The following PTPRT variants were observed in gnomAD, a reference collection of about 807,000 sequenced individuals.
The protein encoded by PTPRT is protein tyrosine phosphatase receptor type T.
In PTPRT, 56 loss-of-function variants were observed where a neutral mutation model predicts 176.8. The ratio of observed to expected loss-of-function variants is 0.32; its 90% CI spans 0.26 to 0.40. PTPRT has a LOEUF of 0.40. Ranked by LOEUF, PTPRT falls within the 10% of genes least tolerant of loss-of-function variation. PTPRT has a pLI of 1.00. For synonymous variants in PTPRT, 783 were observed against 739.0 expected, an observed-to-expected ratio of 1.06 and a Z score of -0.96; for missense variants, 1,540 against 1,908.2, an observed-to-expected ratio of 0.81 and a Z score of 3.60.
intron 2 of PTPRT, among the ~76,000 whole-genome samples, chr20:42,871,136 A>G (rs960222229): frequency 6.6e-6 from 1 of 151,586 alleles, no homozygotes; most frequent in Non-Finnish European, 1.5e-5. Flanking sequence ...TTTTTTGTAG[A>G]GATGGGGTTC....
At chr20:42,659,297 ATCTT>A (rs574155248) in intron 7 of PTPRT, among the ~76,000 whole-genome samples, 52 of 152,228 alleles carry the variant, frequency 3.4e-4, no homozygotes, top group Non-Finnish European at 5.9e-4. Context: ...CCTAGGTAAT[ATCTT>A]TCATCTATCT....
At chr20:42,703,333 TA>T (rs896182445) in intron 6 of PTPRT, among the ~76,000 whole-genome samples, 48 of 150,506 alleles carry the variant, frequency 3.2e-4, no homozygotes, top group African/African-American at 1.0e-3. Flanking sequence ...ACTATTTCCA[TA>T]AAAAAAATTC....
chr20:43,033,278 G>T (rs759815477), intron 1 of PTPRT, among the ~76,000 whole-genome samples: 35 of 152,108 alleles, frequency 2.3e-4, no homozygotes, highest in Non-Finnish European at 4.3e-4. Context: ...TCTCCTGATG[G>T]TCTCAAGGTG....
intron 6 of PTPRT, among the ~76,000 whole-genome samples, chr20:42,726,267 T>C (rs1600667209): frequency 1.3e-5 from 2 of 151,988 alleles, no homozygotes; most frequent in South Asian, 2.1e-4. Context: ...TTAGTAGAGA[T>C]GGGGTTTCAC....
chr20:42,819,652 G>C (rs914170526), intron 2 of PTPRT, among the ~76,000 whole-genome samples: 2 of 151,948 alleles, frequency 1.3e-5, no homozygotes, highest in African/African-American at 4.8e-5. Context: ...GTATTCAGGA[G>C]ACCCAACTTA....
At chr20:42,121,497 A>G (rs2146335695) in intron 19 of PTPRT, among the ~76,000 whole-genome samples, 1 of 152,256 alleles carries the variant, frequency 6.6e-6, no homozygotes, top group Non-Finnish European at 1.5e-5. Context: ...TAGGCAGGCA[A>G]CACAGCATGG....
chr20:42,815,663 T>G (rs569802586), intron 2 of PTPRT, among the ~76,000 whole-genome samples: 2 of 152,312 alleles, frequency 1.3e-5, no homozygotes, highest in East Asian at 3.9e-4. Flanking sequence ...ATATTTGTCT[T>G]CTAGGGCCTC....
At chr20:42,182,041 C>T (rs1439887216) in intron 16 of PTPRT, among the ~76,000 whole-genome samples, 1 of 152,036 alleles carries the variant, frequency 6.6e-6, no homozygotes, top group Non-Finnish European at 1.5e-5. Context: ...AAAGAGCAAA[C>T]AGAATTGTGA....
chr20:42,768,370 G>A (rs2077015128), intron 5 of PTPRT, among the ~76,000 whole-genome samples: 1 of 152,102 alleles, frequency 6.6e-6, no homozygotes, highest in Non-Finnish European at 1.5e-5. Context: ...ATGTGAAACA[G>A]GCCTGTGAAA....
chr20:43,088,331 G>GGGGT (rs1418616738), intron 1 of PTPRT, among the ~76,000 whole-genome samples: 2 of 113,558 alleles, frequency 1.8e-5, no homozygotes, highest in Admixed American at 1.0e-4. Flanking sequence ...GTTTTGCTTT[G>GGGGT]GGGTGTGTGT....
At chr20:42,741,083 T>C (rs1174073685) in intron 6 of PTPRT, among the ~76,000 whole-genome samples, 1 of 151,148 alleles carries the variant, frequency 6.6e-6, no homozygotes, top group African/African-American at 2.4e-5. Context: ...GTGTAAGGAG[T>C]GAGAGGGAAT....
chr20:42,077,444 TAA>T lies in PTPRT; in HGVS notation c.*3433_*3434del, dbSNP rs1600451148. ...ATCTATGAGGTAAGAGCTCCTGTTGTAAAGACTCAGAGAGCATTAATAATATT... is the reference window on the plus strand; with the variant it reads ...ATCTATGAGGTAAGAGCTCCTGTTGTAGACTCAGAGAGCATTAATAATATT... On this transcript the variant is annotated 3_prime_UTR_variant, in exon 31 of 31. Coordinates refer to ENST00000373187, the MANE Select transcript of PTPRT (RefSeq NM_007050.6). 4.5e-6 allele frequency: 1 copy of T among 224,342 alleles called. No homozygotes were observed. The highest frequency in any genetic ancestry group is 6.4e-5 in the East Asian group (1 of 15,524). The allele number at this position is 224,342 out of a possible 1,614,324, so 13.9% of individuals were successfully genotyped here.
intron 19 of PTPRT, among the ~76,000 whole-genome samples, chr20:42,124,503 A>G (rs972179165): frequency 1.1e-4 from 17 of 152,198 alleles, no homozygotes; most frequent in African/African-American, 4.1e-4. Flanking sequence ...GTAACAGACC[A>G]CGGCCTCCGG....
chr20:42,366,537 T>C (rs2058517319), intron 9 of PTPRT, among the ~76,000 whole-genome samples: 1 of 152,150 alleles, frequency 6.6e-6, no homozygotes, highest in South Asian at 2.1e-4. Context: ...CTCTGTCCAG[T>C]TCTTCTTCTG....
chr20:42,956,407 C>T (rs1161989870), intron 1 of PTPRT, among the ~76,000 whole-genome samples: 1 of 149,680 alleles, frequency 6.7e-6, no homozygotes, highest in Non-Finnish European at 1.5e-5. Flanking sequence ...AACTCTCTCT[C>T]TTGCTCCTAC....
At chr20:43,085,627 T>C (rs576710560) in intron 1 of PTPRT, among the ~76,000 whole-genome samples, 31 of 152,234 alleles carry the variant, frequency 2.0e-4, no homozygotes, top group African/African-American at 6.7e-4. Flanking sequence ...GCAGGCAAGA[T>C]AGAGCAGGTG....
At chr20:42,625,415 A>T (rs530130188) in intron 7 of PTPRT, among the ~76,000 whole-genome samples, 1 of 152,306 alleles carries the variant, frequency 6.6e-6, no homozygotes, top group African/African-American at 2.4e-5. Context: ...TAGCATATGA[A>T]ACATACCAGA....
intron 1 of PTPRT, among the ~76,000 whole-genome samples, chr20:43,056,551 C>T (rs1987241339): frequency 6.6e-6 from 1 of 152,212 alleles, no homozygotes; most frequent in Non-Finnish European, 1.5e-5. Context: ...CACACACGGT[C>T]TGTTGCTGAA....
intron 14 of PTPRT, among the ~76,000 whole-genome samples, chr20:42,238,188 G>A (rs982614269): frequency 1.3e-5 from 2 of 152,112 alleles, no homozygotes; most frequent in Admixed American, 1.3e-4. Flanking sequence ...TGATAGAGGC[G>A]GGACATGAGC....
Sources: gnomAD v4.1 joint callset for allele counts (sites outside exome capture counted in the v4.1 genomes callset) on GRCh38, gnomAD v4.1.1 for gene constraint, MANE v1.5 for transcripts, NCBI Gene and HGNC (gene_info 2026-07-23, HGNC 2026-07-21) for gene names.